The following NEB variants were observed in gnomAD, a reference collection of about 807,000 sequenced individuals.
NEB encodes the protein nebulin, also known as nemaline myopathy type 2.
In NEB, 512 loss-of-function variants were observed where a neutral mutation model predicts 952.2. The observed-to-expected ratio is 0.54, with a 90% CI of 0.50 to 0.58. The LOEUF is 0.58. NEB is among the 20% of genes least tolerant of loss of function. The pLI is 0.00. For missense variants in NEB, 8,428 were observed against 9,231.1 expected (o/e 0.91, Z 3.56); for synonymous variants, 2,900 against 3,149.8 (o/e 0.92, Z 2.66).
At position 151,666,243 on chromosome 2, in the gene NEB, GTGGTACT is replaced by G; in HGVS notation, c.4871_4877del (p.Lys1624ThrfsTer9). 1 of 1,613,968 alleles carries G rather than the reference GTGGTACT, an allele frequency of 6.2e-7. No individual in the cohort carries two copies. The highest frequency in any genetic ancestry group is 8.5e-7 in the Non-Finnish European group (1 of 1,179,862). On this transcript the variant is annotated frameshift_variant, in exon 41 of 182. Transcript: ENST00000397345. LOFTEE classifies it high-confidence loss of function. ...TCACACTGACCATATCCAGAGGTGT[GTGGTACT>G]TGGTCTTGCTGGCTTCATAGCCCTT...
At chr2:151,705,635 A>C (rs1270953990) in intron 13 of NEB, among the ~76,000 whole-genome samples, 2 of 152,242 alleles carry the variant, frequency 1.3e-5, no homozygotes, top group African/African-American at 4.8e-5. Context: ...TGTTCATAGC[A>C]GCACAATTCA....
chr2:151,677,526 C>A (rs899279180), intron 34 of NEB, 39 bp downstream of exon 34: 11 of 1,446,992 alleles, frequency 7.6e-6, no homozygotes, highest in Middle Eastern at 1.8e-4. Flanking sequence ...TAAAAAGCTT[C>A]CTCCATATCC....
intron 36 of NEB, among the ~76,000 whole-genome samples, chr2:151,674,099 T>C (rs1314198288): frequency 6.6e-6 from 1 of 152,192 alleles, no homozygotes; most frequent in African/African-American, 2.4e-5. Flanking sequence ...ATCTGTACAT[T>C]TTATATAACA....
chr2:151,696,758 G>C, intron 16 of NEB, 23 bp from the exon 17 acceptor site: 3 of 1,585,720 alleles, frequency 1.9e-6, no homozygotes, highest in South Asian at 1.1e-5. Context: ...AAAGGCATTT[G>C]GTTTAGTAGT....
At chr2:151,577,675 T>C (rs527508632) in intron 105 of NEB, among the ~76,000 whole-genome samples, 1 of 152,304 alleles carries the variant, frequency 6.6e-6, no homozygotes, top group South Asian at 2.1e-4. Flanking sequence ...GCCTCCTAGG[T>C]TCAAACGATT....
At position 151,664,756 on chromosome 2, in the gene NEB, T is replaced by C. The variant is rs1223318287; in HGVS notation, c.5343+3A>G. ...CAGCTTTTGCTGTTGTTAACCTACT[T>C]ACATCACTCATGGTGATTTGGTTTA... is the stretch of plus-strand genomic sequence containing the variant. On this transcript the variant is annotated splice_donor_region_variant and intron_variant, in intron 43 of 181. Coordinates refer to ENST00000397345, the MANE Select transcript of NEB (RefSeq NM_001164508.2). 6.2e-7 allele frequency: 1 copy of C among 1,601,796 alleles called. No homozygotes were observed. Among genetic ancestry groups the C allele is most frequent in the African/African-American group, 1.3e-5 (1 of 74,670 alleles).
chr2:151,687,583 A>C lies in NEB; in HGVS notation c.2523+43T>G, dbSNP rs1205230127. The C allele has an allele frequency of 1.9e-6, 3 of 1,613,262 alleles. No homozygotes were observed. In the African/African-American group the frequency reaches 4.0e-5, roughly 22 times the overall value. On this transcript the variant is annotated intron_variant, in intron 26 of 181. Transcript: ENST00000397345. ...TCCCACTCACCAGGAAATGTCCCCA[A>C]GGCCACCCTGTCCAGGTCCCCAGGT... is the stretch of plus-strand genomic sequence containing the variant.
chr2:151,562,153 G>T lies in NEB; in HGVS notation c.18953C>A (p.Pro6318His). Residue 6318 changes from proline (P) to histidine (H), a missense_variant, in exon 121 of 182, where the codon CCC (proline) becomes CAC (histidine). Pro to His is a moderately conservative substitution (Grantham distance 77). Around this residue, in one of 11 missense-constraint regions of NEB, gnomAD observed 3,374 missense variants for 3,651.5 expected, o/e 0.92. Transcript: ENST00000397345. ...KGIGCYVWDT[P>H]QILHAKKSYD... Reference sequence around the variant, plus strand: ...TGATTTCTTGGCATGGAGGATTTGGGGTGTATCCCAAACGTAGCAACCAAT... The same window carrying T: ...TGATTTCTTGGCATGGAGGATTTGGTGTGTATCCCAAACGTAGCAACCAAT... 1 of 1,613,530 alleles carries T rather than the reference G, an allele frequency of 6.2e-7. No individual in the cohort carries two copies. The highest frequency in any genetic ancestry group is 8.5e-7 in the Non-Finnish European group (1 of 1,179,598).
intron 168 of NEB, among the ~76,000 whole-genome samples, chr2:151,499,707 C>G (rs1337762220): frequency 6.6e-6 from 1 of 152,050 alleles, no homozygotes; most frequent in Non-Finnish European, 1.5e-5. Context: ...AGAAAAATTG[C>G]TTAAGTTAGA....
intron 105 of NEB, among the ~76,000 whole-genome samples, chr2:151,577,377 C>A (rs1014036578): frequency 1.2e-4 from 18 of 152,224 alleles, no homozygotes; most frequent in African/African-American, 4.1e-4. Flanking sequence ...TGTTGGTCAC[C>A]CTGAAGGAAT....
chr2:151,680,654 T>G, intron 30 of NEB, 76 bp downstream of exon 30: 1 of 1,069,076 alleles, frequency 9.4e-7, no homozygotes, highest in Non-Finnish European at 1.4e-6. Flanking sequence ...TAACTAGAGG[T>G]GATCAGTACA....
chr2:151,519,789 C>G, intron 153 of NEB, 21 bp from the exon 154 acceptor site: 1 of 1,466,042 alleles, frequency 6.8e-7, no homozygotes. Flanking sequence ...ATGCAAACAT[C>G]CAAATTATTC....
At position 151,733,177 on chromosome 2, in the gene NEB, A is replaced by T; in HGVS notation, c.-21T>A. ...GCCATTTTTCCAGAGTAGTAGTGGC[A>T]CCTACAAACTTTTCATATTCCATAC... is the stretch of plus-strand genomic sequence containing the variant. On this transcript the variant is annotated 5_prime_UTR_variant, in exon 3 of 182. Coordinates refer to ENST00000397345, the MANE Select transcript of NEB (RefSeq NM_001164508.2). 1 of 1,599,384 alleles carries T rather than the reference A, an allele frequency of 6.3e-7. No homozygotes were observed. The highest frequency in any genetic ancestry group is 8.5e-7 in the Non-Finnish European group (1 of 1,172,852).
chr2:151,549,651 A>G lies in NEB; in HGVS notation c.20034T>C (p.Arg6678=). The G allele has an allele frequency of 1.9e-6, 3 of 1,597,856 alleles. No homozygotes were observed. Among genetic ancestry groups the G allele is most frequent in the Non-Finnish European group, 2.6e-6 (3 of 1,171,114 alleles). Reference sequence around the variant, plus strand: ...GACCACTCACATAACTGCTCATGTAACGGGTGTCCTTGATGTGTTTGAAGT... The same window carrying G: ...GACCACTCACATAACTGCTCATGTAGCGGGTGTCCTTGATGTGTTTGAAGT... ...TPHFKHIKDT[R]YMSSYFKYKE... Residue 6678 remains arginine (R), a synonymous_variant, in exon 130 of 182, where the codon CGT becomes CGC. Transcript: ENST00000397345.
chr2:151,680,934 G>T (rs2099409710), intron 29 of NEB, 106 bp from the exon 30 acceptor site: 3 of 935,102 alleles, frequency 3.2e-6, no homozygotes, highest in Non-Finnish European at 5.2e-6. Context: ...AGTTTTTCAT[G>T]ATTTTAAAAT....
intron 9 of NEB, among the ~76,000 whole-genome samples, chr2:151,722,759 G>A (rs2099778405): frequency 6.6e-6 from 1 of 152,088 alleles, no homozygotes; most frequent in South Asian, 2.1e-4. Context: ...TTACTGCCCA[G>A]GCTGATCTCA....
intron 60 of NEB, 75 bp downstream of exon 60, chr2:151,642,499 G>A: frequency 8.1e-7 from 1 of 1,239,800 alleles, no homozygotes; most frequent in Non-Finnish European, 1.1e-6. Context: ...GCTTACTTGT[G>A]CCACTATAAA....
At chr2:151,513,743 G>C in intron 159 of NEB, 50 bp from the exon 160 acceptor site, 1 of 1,242,742 alleles carries the variant, frequency 8.0e-7, no homozygotes, top group Non-Finnish European at 1.1e-6. Flanking sequence ...GCTACTACTA[G>C]GTAATAAACA....
rs371183779 is a variant in NEB at position 151,568,280 on chromosome 2, G to A, written c.17736+36C>T. On this transcript the variant is annotated intron_variant, in intron 112 of 181. Coordinates refer to ENST00000397345, the MANE Select transcript of NEB (RefSeq NM_001164508.2). ...ACAGTTCCATTAAGGCCCTCCACTC[G>A]TACACAAACACCAGGCATGTGGGTG... 5.1e-5 allele frequency: 81 copies of A among 1,601,140 alleles called. No individual in the cohort carries two copies. The highest frequency in any genetic ancestry group is 2.8e-4 in the Admixed American group (17 of 59,932).
Sources: gnomAD v4.1 joint callset for allele counts (sites outside exome capture counted in the v4.1 genomes callset) on GRCh38, gnomAD v4.1.1 for gene constraint, gnomAD v4.1.1 regional missense constraint, MANE v1.5 for transcripts, NCBI Gene and HGNC (gene_info 2026-07-23, HGNC 2026-07-21) for gene names.